PCDHB14: variants seen among roughly 807,000 people sequenced by gnomAD.
PCDHB14 encodes the protein protocadherin beta 14, also known as protocadherin beta-14.
For synonymous variants in PCDHB14, 511 were observed against 441.5 expected (o/e 1.16, Z -1.97); for missense variants, 1,129 against 1,000.5 (o/e 1.13, Z -1.73).
chr5:141,226,114 A>G lies in PCDHB14; in HGVS notation c.*212A>G. On this transcript the variant is annotated 3_prime_UTR_variant, in exon 1 of 1. Transcript: ENST00000239449. Reference sequence around the variant, plus strand: ...TCTGGTTTTTCATTTATTTGGCCAAAATGTTATATTAATGGAGTTATTGCT... The same window carrying G: ...TCTGGTTTTTCATTTATTTGGCCAAGATGTTATATTAATGGAGTTATTGCT... 1.8e-6 allele frequency: 1 copy of G among 566,354 alleles called. No homozygotes were observed. Among genetic ancestry groups the G allele is most frequent in the African/African-American group, 1.9e-5 (1 of 52,836 alleles). 35.1% of individuals were successfully genotyped at this position (566,354 alleles called of 1,614,324 possible).
chr5:141,224,115 C>G lies in PCDHB14; in HGVS notation c.610C>G (p.Gln204Glu). The G allele has an allele frequency of 6.2e-7, 1 of 1,614,030 alleles. No individual in the cohort carries two copies. The highest frequency in any genetic ancestry group is 8.5e-7 in the Non-Finnish European group (1 of 1,180,022). Residue 204 changes from glutamine to glutamate, a missense_variant, in exon 1 of 1, where the codon CAG becomes GAG. Physicochemically the swap from Gln to Glu is conservative, Grantham distance 29. Coordinates refer to ENST00000239449, the MANE Select transcript of PCDHB14 (RefSeq NM_018934.4). ...CCTAGATAGAGCTTTAGATTATGAA[C>G]AGGAAGCTGAACTCAGATTAACACT... ...LVLDRALDYE[Q>E]EAELRLTLTA...
In PCDHB14 at chr5:141,227,422, A is replaced by T. The variant is rs1248773500; in HGVS notation, c.*1520A>T. 1 of 152,202 alleles carries T rather than the reference A, an allele frequency of 6.6e-6. No homozygotes were observed. The highest frequency in any genetic ancestry group is 1.5e-5 in the Non-Finnish European group (1 of 68,032). The allele number at this position is 152,202 out of a possible 1,614,324, so 9.4% of individuals were successfully genotyped here. On this transcript the variant is annotated 3_prime_UTR_variant, in exon 1 of 1. Coordinates refer to ENST00000239449, the MANE Select transcript of PCDHB14 (RefSeq NM_018934.4). ...GGCATTTATGGTTTATAGTTGCCTC[A>T]TCATGTAACATATTATATCTCAGCT...
rs782124594 is a variant in PCDHB14 at position 141,225,609 on chromosome 5, C to T, written c.2104C>T (p.Leu702Phe). 6 of 1,612,096 alleles carry T rather than the reference C, an allele frequency of 3.7e-6. No homozygotes were observed. The highest frequency in any genetic ancestry group is 1.1e-5 in the South Asian group (1 of 91,064). Residue 702 changes from leucine (L) to phenylalanine (F), a missense_variant, in exon 1 of 1, where the codon CTC becomes TTC. By Grantham distance (22) the Leu-to-Phe change is conservative. Transcript: ENST00000239449. Reference sequence around the variant, plus strand: ...ATTGGCCTCGGTGTCGTCGCTCTTCCTCTTCTCGGTGCTCCTGTTCGTGGC... The same window carrying T: ...ATTGGCCTCGGTGTCGTCGCTCTTCTTCTTCTCGGTGCTCCTGTTCGTGGC... The part of the protein sequence containing the change: ...VALASVSSLF[L>F]FSVLLFVAVR...
chr5:141,224,759 C>T lies in PCDHB14; in HGVS notation c.1254C>T (p.Asn418=), dbSNP rs1554289231. 1 of 1,614,192 alleles carries T rather than the reference C, an allele frequency of 6.2e-7. No homozygotes were observed. The highest frequency in any genetic ancestry group is 1.1e-5 in the South Asian group (1 of 91,086). The change falls in exon 1 of 1, where the codon AAC becomes AAT. Residue 418 remains asparagine, a synonymous_variant. Coordinates refer to ENST00000239449, the MANE Select transcript of PCDHB14 (RefSeq NM_018934.4). ...ACAGAGAGAGCCAAGCCGAGTACAACATCACGATCACCGTCACAGACTTGG... is the reference window on the plus strand; with the variant it reads ...ACAGAGAGAGCCAAGCCGAGTACAATATCACGATCACCGTCACAGACTTGG... ...ALDRESQAEY[N]ITITVTDLGT... is the part of the protein sequence containing the mutation.
rs141628990 is a variant in PCDHB14 at position 141,225,778 on chromosome 5, G to C, written c.2273G>C (p.Gly758Ala). Residue 758 changes from glycine (G) to alanine (A), a missense_variant, in exon 1 of 1, where the codon GGT (glycine) becomes GCT (alanine). Physicochemically the swap from Gly to Ala is moderately conservative, Grantham distance 60. Coordinates refer to ENST00000239449, the MANE Select transcript of PCDHB14 (RefSeq NM_018934.4). Reference sequence around the variant, plus strand: ...CAATACGAGGTGTGTCTGACAGGAGGTTCCGGGACAAATGAGTTCAAATTT... The same window carrying C: ...CAATACGAGGTGTGTCTGACAGGAGCTTCCGGGACAAATGAGTTCAAATTT... ...SYQYEVCLTG[G>A]SGTNEFKFLK... 1.3e-4 allele frequency: 207 copies of C among 1,614,234 alleles called. No individual in the cohort carries two copies. Among genetic ancestry groups the C allele is most frequent in the Non-Finnish European group, 1.6e-4 (188 of 1,180,044 alleles).
rs2149687444 is a variant in PCDHB14, at chr5:141,227,682, T to G, written c.*1780T>G. 1 of 152,314 alleles carries G rather than the reference T, an allele frequency of 6.6e-6. No individual in the cohort carries two copies. Among genetic ancestry groups the G allele is most frequent in the Non-Finnish European group, 1.5e-5 (1 of 68,008 alleles). 9.4% of individuals were successfully genotyped at this position (152,314 alleles called of 1,614,324 possible). ...CTTTATGCAATTATCACTGATTTTA[T>G]TTTTCGTTGTAACAAGTAGTTATTT... On this transcript the variant is annotated 3_prime_UTR_variant, in exon 1 of 1. Transcript: ENST00000239449.
Position 141,223,718 on chromosome 5 carries a change from T to C in PCDHB14, c.213T>C (p.Asn71=). Reference sequence around the variant, plus strand: ...AAGCCCGGGTAGTGTCTGATGATAATAAAAAGTATTTGCACCTTGATTTGC... The same window carrying C: ...AAGCCCGGGTAGTGTCTGATGATAACAAAAAGTATTTGCACCTTGATTTGC... ...SREARVVSDD[N]KKYLHLDLLT... Residue 71 remains asparagine (N), a synonymous_variant, in exon 1 of 1, where the codon AAT becomes AAC. Transcript: ENST00000239449. 2 of 1,614,106 alleles carry C rather than the reference T, an allele frequency of 1.2e-6. No homozygotes were observed. The highest frequency in any genetic ancestry group is 1.7e-6 in the Non-Finnish European group (2 of 1,180,014).
rs61978584 is a variant in PCDHB14, at chr5:141,224,349, T to C, written c.844T>C (p.Phe282Leu). The change falls in exon 1 of 1, where the codon TTC (phenylalanine) becomes CTC (leucine). Residue 282 changes from phenylalanine to leucine, a missense_variant. By Grantham distance (22) the Phe-to-Leu change is conservative. Coordinates refer to ENST00000239449, the MANE Select transcript of PCDHB14 (RefSeq NM_018934.4). ...CTATGGAAAAATATCTTACACATTT[T>C]TCCATGCATCAGAAGATATTCGTAA... ...GNYGKISYTF[F>L]HASEDIRKTF... 2.0e-3 allele frequency: 3,144 copies of C among 1,611,816 alleles called. 52 individuals are homozygous for C. The African/African-American group carries it at 0.038, about 19-fold the overall frequency.
chr5:141,225,599 G>T lies in PCDHB14; in HGVS notation c.2094G>T (p.Ser698=), dbSNP rs147814055. 243 of 1,611,598 alleles carry T rather than the reference G, an allele frequency of 1.5e-4. 1 individual carries two copies. The highest frequency in any genetic ancestry group is 5.0e-4 in the Admixed American group (30 of 60,014). Residue 698 remains serine, a synonymous_variant, in exon 1 of 1, where the codon TCG becomes TCT. Coordinates refer to ENST00000239449, the MANE Select transcript of PCDHB14 (RefSeq NM_018934.4). ...TGGTGGTGGCATTGGCCTCGGTGTCGTCGCTCTTCCTCTTCTCGGTGCTCC... is the reference window on the plus strand; with the variant it reads ...TGGTGGTGGCATTGGCCTCGGTGTCTTCGCTCTTCCTCTTCTCGGTGCTCC... ...VYLVVALASV[S]SLFLFSVLLF...
chr5:141,227,339 T>C lies in PCDHB14; in HGVS notation c.*1437T>C, dbSNP rs1283050175. On this transcript the variant is annotated 3_prime_UTR_variant, in exon 1 of 1. Coordinates refer to ENST00000239449, the MANE Select transcript of PCDHB14 (RefSeq NM_018934.4). ...TTTCCTATTAATTATTGAGTAAATA[T>C]AAAACATCATTAACACTTTGTGGCC... is the stretch of plus-strand genomic sequence containing the variant. 6.6e-6 allele frequency: 1 copy of C among 152,162 alleles called. No homozygotes were observed. The highest frequency in any genetic ancestry group is 1.5e-5 in the Non-Finnish European group (1 of 68,026). 9.4% of individuals were successfully genotyped at this position (152,162 alleles called of 1,614,324 possible).
rs1554289136 is a variant in PCDHB14 at position 141,224,316 on chromosome 5, G to A, written c.811G>A (p.Ala271Thr). Residue 271 changes from alanine to threonine, a missense_variant, in exon 1 of 1, where the codon GCA becomes ACA. Ala to Thr is a moderately conservative substitution (Grantham distance 58). Coordinates refer to ENST00000239449, the MANE Select transcript of PCDHB14 (RefSeq NM_018934.4). ...CACCATCTCAGCTAAGGATCTGGAT[G>A]CAGGAAACTATGGAAAAATATCTTA... ...IATISAKDLD[A>T]GNYGKISYTF... The A allele has an allele frequency of 6.2e-7, 1 of 1,614,002 alleles. No individual in the cohort carries two copies. Among genetic ancestry groups the A allele is most frequent in the Non-Finnish European group, 8.5e-7 (1 of 1,179,956 alleles).
rs1554289422 is a variant in PCDHB14, at chr5:141,225,329, G to A, written c.1824G>A (p.Lys608=). 1.2e-6 allele frequency: 2 copies of A among 1,601,992 alleles called. No individual in the cohort carries two copies. Residue 608 remains lysine (K), a synonymous_variant, in exon 1 of 1, where the codon AAG becomes AAA. Coordinates refer to ENST00000239449, the MANE Select transcript of PCDHB14 (RefSeq NM_018934.4). ...QNAWLSYQLL[K]ATEPGLFGVW... The stretch of plus-strand genomic sequence containing the variant: ...CCTGGCTGTCGTACCAGCTGCTCAA[G>A]GCCACGGAGCCCGGGCTGTTCGGCG...
At position 141,223,689 on chromosome 5, in the gene PCDHB14, C is replaced by G. The variant is rs781907552; in HGVS notation, c.184C>G (p.Arg62Gly). ...LGLGVEELSSREARVVSDDNK... is the reference protein window; with the variant it reads ...LGLGVEELSSGEARVVSDDNK... ...GCTGGGGGTGGAGGAGCTGTCTTCA[C>G]GTGAAGCCCGGGTAGTGTCTGATGA... The change falls in exon 1 of 1, where the codon CGT (arginine) becomes GGT (glycine). Residue 62 changes from arginine (R) to glycine (G), a missense_variant. By Grantham distance (125) the Arg-to-Gly change is moderately radical (BLOSUM62 -2). Transcript: ENST00000239449. 15 of 1,613,938 alleles carry G rather than the reference C, an allele frequency of 9.3e-6. No homozygotes were observed. The South Asian group carries it at 1.6e-4, about 18-fold the overall frequency.
chr5:141,224,063 T>G lies in PCDHB14; in HGVS notation c.558T>G (p.Ser186Arg). ...SHFYIKIPDS[S>R]DRKIYPELVL... ...TCTACATTAAAATTCCCGACAGTAG[T>G]GACAGAAAGATATACCCAGAGCTGG... Residue 186 changes from serine (S) to arginine (R), a missense_variant, in exon 1 of 1, where the codon AGT becomes AGG. Physicochemically the swap from Ser to Arg is moderately radical, Grantham distance 110. Coordinates refer to ENST00000239449, the MANE Select transcript of PCDHB14 (RefSeq NM_018934.4). 6.2e-7 allele frequency: 1 copy of G among 1,613,880 alleles called. No individual in the cohort carries two copies. The highest frequency in any genetic ancestry group is 8.5e-7 in the Non-Finnish European group (1 of 1,179,966).
At position 141,225,068 on chromosome 5, in the gene PCDHB14, C is replaced by T. The variant is rs1458933245; in HGVS notation, c.1563C>T (p.Tyr521=). 5.0e-6 allele frequency: 8 copies of T among 1,612,328 alleles called. No individual in the cohort carries two copies. Among genetic ancestry groups the T allele is most frequent in the Non-Finnish European group, 5.1e-6 (6 of 1,179,916 alleles). The change falls in exon 1 of 1, where the codon TAC becomes TAT. Residue 521 remains tyrosine, a synonymous_variant. Coordinates refer to ENST00000239449, the MANE Select transcript of PCDHB14 (RefSeq NM_018934.4). The part of the protein sequence containing the change: ...GHLFALRSLD[Y]EALQEFEFRV... ...TGTTTGCCCTCAGGTCGCTGGACTACGAGGCCCTACAGGAGTTCGAGTTTC... is the reference window on the plus strand; with the variant it reads ...TGTTTGCCCTCAGGTCGCTGGACTATGAGGCCCTACAGGAGTTCGAGTTTC...
At position 141,223,628 on chromosome 5, in the gene PCDHB14, T is replaced by C. The variant is rs782677844; in HGVS notation, c.123T>C (p.Ile41=). 1 of 1,614,172 alleles carries C rather than the reference T, an allele frequency of 6.2e-7. No individual in the cohort carries two copies. Among genetic ancestry groups the C allele is most frequent in the Admixed American group, 1.7e-5 (1 of 60,024 alleles). ...ATTCTGTGGCAGAGGAAACAGAAAT[T>C]GGCTCTTTTGTGGCTAATCTAGCGA... is the stretch of plus-strand genomic sequence containing the variant. ...AHYSVAEETE[I]GSFVANLARD... Residue 41 remains isoleucine, a synonymous_variant, in exon 1 of 1, where the codon ATT becomes ATC. Coordinates refer to ENST00000239449, the MANE Select transcript of PCDHB14 (RefSeq NM_018934.4).
At position 141,224,104 on chromosome 5, in the gene PCDHB14, T is replaced by C. The variant is rs1041023900; in HGVS notation, c.599T>C (p.Leu200Ser). The C allele has an allele frequency of 4.3e-6, 7 of 1,613,940 alleles. No homozygotes were observed. The highest frequency in any genetic ancestry group is 5.9e-6 in the Non-Finnish European group (7 of 1,180,028). Residue 200 changes from leucine to serine, a missense_variant, in exon 1 of 1, where the codon TTA (leucine) becomes TCA (serine). Physicochemically the swap from Leu to Ser is moderately radical, Grantham distance 145. Transcript: ENST00000239449. ...IYPELVLDRALDYEQEAELRL... is the reference protein window; with the variant it reads ...IYPELVLDRASDYEQEAELRL... ...CCAGAGCTGGTCCTAGATAGAGCTT[T>C]AGATTATGAACAGGAAGCTGAACTC...
chr5:141,225,640 G>T lies in PCDHB14; in HGVS notation c.2135G>T (p.Arg712Leu). The T allele has an allele frequency of 3.7e-6, 6 of 1,613,426 alleles. No homozygotes were observed. Among genetic ancestry groups the T allele is most frequent in the Non-Finnish European group, 5.1e-6 (6 of 1,179,974 alleles). Residue 712 changes from arginine (R) to leucine (L), a missense_variant, in exon 1 of 1, where the codon CGG becomes CTG. Coordinates refer to ENST00000239449, the MANE Select transcript of PCDHB14 (RefSeq NM_018934.4). ...TCGGTGCTCCTGTTCGTGGCGGTGC[G>T]GCTGTGCAGGAGGAGCAGGGCGGCC... ...LFSVLLFVAV[R>L]LCRRSRAASV...
rs782682472 is a variant in PCDHB14, at chr5:141,223,962, C to A, written c.457C>A (p.Leu153Ile). The part of the protein sequence containing the change: ...SEGTTVGATF[L>I]MESAQDLDVG... ...AGGTACCACTGTTGGAGCTACCTTT[C>A]TAATGGAGAGTGCTCAAGATTTGGA... is the stretch of plus-strand genomic sequence containing the variant. Residue 153 changes from leucine (L) to isoleucine (I), a missense_variant, in exon 1 of 1, where the codon CTA becomes ATA. Physicochemically the swap from Leu to Ile is conservative, Grantham distance 5 (BLOSUM62 2). Transcript: ENST00000239449. 1.9e-6 allele frequency: 3 copies of A among 1,613,978 alleles called. No homozygotes were observed. The South Asian group carries it at 3.3e-5, about 18-fold the overall frequency.
Sources: gnomAD v4.1 joint callset for allele counts on GRCh38, gnomAD v4.1.1 for gene constraint, MANE v1.5 for transcripts, NCBI Gene and HGNC (gene_info 2026-07-23, HGNC 2026-07-21) for gene names.